FARS2: variants seen among roughly 807,000 people sequenced by gnomAD.
FARS2 encodes phenylalanyl-tRNA synthetase 2, mitochondrial, also known as phenylalanine--tRNA ligase, mitochondrial.
In FARS2, 40 loss-of-function variants were observed where a neutral mutation model predicts 46.4. That is an observed-to-expected ratio of 0.86 (90% CI 0.67 to 1.12). FARS2 has a LOEUF of 1.12. Ranked by LOEUF, FARS2 falls within the 50% of genes most tolerant of loss-of-function variation. The probability of loss-of-function intolerance (pLI) is 0.00; values close to 1 mark genes in which losing one functional copy is unlikely to be tolerated. For missense variants in FARS2, 513 were observed against 567.9 expected (o/e 0.90, Z 0.98); for synonymous variants, 234 against 214.9 (o/e 1.09, Z -0.78).
chr6:5,402,713 G>A (rs1340171738), intron 2 of FARS2, among the ~76,000 whole-genome samples: 1 of 152,074 alleles, frequency 6.6e-6, no homozygotes, highest in Non-Finnish European at 1.5e-5. Context: ...TGAAAAGGTT[G>A]TCTTTCGCTT....
intron 6 of FARS2, among the ~76,000 whole-genome samples, chr6:5,669,093 TA>T (rs1778310598): frequency 6.6e-6 from 1 of 152,200 alleles, no homozygotes; most frequent in African/African-American, 2.4e-5. Context: ...TATATTTTAA[TA>T]ATCAATATAA....
intron 2 of FARS2, among the ~76,000 whole-genome samples, chr6:5,398,055 C>T (rs1761013239): frequency 1.3e-5 from 2 of 152,168 alleles, no homozygotes; most frequent in South Asian, 4.1e-4. Flanking sequence ...GATATGTTAA[C>T]TCTGATCACT....
chr6:5,745,094 A>G (rs1007231651), intron 6 of FARS2, among the ~76,000 whole-genome samples: 4 of 152,250 alleles, frequency 2.6e-5, no homozygotes, highest in Non-Finnish European at 5.9e-5. Context: ...TATCCTAGAA[A>G]AGAGCCATTA....
chr6:5,362,985 G>A (rs1758409895), intron 1 of FARS2, among the ~76,000 whole-genome samples: 1 of 143,618 alleles, frequency 7.0e-6, no homozygotes, highest in Non-Finnish European at 1.5e-5. Flanking sequence ...GGAGTGCAGT[G>A]GCGCGATCTC....
chr6:5,290,761 C>G (rs1244636099), intron 1 of FARS2, among the ~76,000 whole-genome samples: 2 of 152,190 alleles, frequency 1.3e-5, no homozygotes, highest in Non-Finnish European at 2.9e-5. Flanking sequence ...CACTCTGTCC[C>G]CTAAGCTGGA....
At chr6:5,459,054 A>C (rs1765080044) in intron 4 of FARS2, among the ~76,000 whole-genome samples, 1 of 152,212 alleles carries the variant, frequency 6.6e-6, no homozygotes, top group Admixed American at 6.5e-5. Flanking sequence ...TGCTTTGTGA[A>C]ACGTTAACAT....
At chr6:5,487,406 A>G (rs982444163) in intron 4 of FARS2, among the ~76,000 whole-genome samples, 4 of 152,214 alleles carry the variant, frequency 2.6e-5, no homozygotes, top group African/African-American at 7.2e-5. Flanking sequence ...CAGCACTACA[A>G]TTCCTAACAT....
chr6:5,580,248 C>A (rs561064660), intron 5 of FARS2, among the ~76,000 whole-genome samples: 2 of 135,940 alleles, frequency 1.5e-5, no homozygotes, highest in South Asian at 5.0e-4. Flanking sequence ...CGAGAGCATG[C>A]CACTGCTCTC....
chr6:5,704,011 T>G (rs1342476566), intron 6 of FARS2, among the ~76,000 whole-genome samples: 1 of 152,220 alleles, frequency 6.6e-6, no homozygotes, highest in African/African-American at 2.4e-5. Context: ...TAGTGAGCTT[T>G]AGAAACATAA....
intron 4 of FARS2, among the ~76,000 whole-genome samples, chr6:5,442,166 GGTTAT>G (rs1394926718): frequency 6.6e-6 from 1 of 151,798 alleles, no homozygotes; most frequent in Non-Finnish European, 1.5e-5. Flanking sequence ...GAATTTACCT[GGTTAT>G]TACTGTTAAG....
intron 5 of FARS2, among the ~76,000 whole-genome samples, chr6:5,550,655 G>A (rs954640176): frequency 3.9e-5 from 6 of 152,318 alleles, no homozygotes; most frequent in Admixed American, 1.3e-4. Flanking sequence ...GAGTCAAATA[G>A]CCTTCTTTCT....
chr6:5,488,874 G>A (rs1766933974), intron 4 of FARS2, among the ~76,000 whole-genome samples: 1 of 152,042 alleles, frequency 6.6e-6, no homozygotes, highest in Admixed American at 6.5e-5. Flanking sequence ...CAGGTGTTCG[G>A]ATTTCTTTTA....
chr6:5,467,715 T>A (rs1765588709), intron 4 of FARS2, among the ~76,000 whole-genome samples: 1 of 152,194 alleles, frequency 6.6e-6, no homozygotes, highest in Non-Finnish European at 1.5e-5. Flanking sequence ...ATCATTACTG[T>A]TCTTATTCTT....
intron 5 of FARS2, among the ~76,000 whole-genome samples, chr6:5,580,340 G>A (rs1400267156): frequency 6.7e-6 from 1 of 150,330 alleles, no homozygotes; most frequent in Non-Finnish European, 1.5e-5. Flanking sequence ...AGGAAGGAAG[G>A]AAAGCAAGAA....
chr6:5,268,399 A>T (rs896517140), intron 1 of FARS2, among the ~76,000 whole-genome samples: 3 of 152,188 alleles, frequency 2.0e-5, no homozygotes, highest in African/African-American at 7.2e-5. Flanking sequence ...TAAGGAAGGG[A>T]TCCAGTTTCA....
intron 5 of FARS2, among the ~76,000 whole-genome samples, chr6:5,595,352 C>T (rs371015671): frequency 1.7e-4 from 26 of 152,158 alleles, no homozygotes; most frequent in African/African-American, 6.0e-4. Flanking sequence ...TCAGCTGAAC[C>T]GCCAATCATG....
chr6:5,284,687 A>C (rs1581690962), intron 1 of FARS2, among the ~76,000 whole-genome samples: 1 of 152,078 alleles, frequency 6.6e-6, no homozygotes, highest in African/African-American at 2.4e-5. Flanking sequence ...CATCCCCTTC[A>C]ACTCATCTGT....
At chr6:5,332,137 T>G (rs1318552488) in intron 1 of FARS2, among the ~76,000 whole-genome samples, 1 of 152,196 alleles carries the variant, frequency 6.6e-6, no homozygotes, top group East Asian at 1.9e-4. Flanking sequence ...GTACCAGCGC[T>G]GAGATTCAGA....
At chr6:5,716,337 T>C (rs1343976300) in intron 6 of FARS2, among the ~76,000 whole-genome samples, 2 of 152,292 alleles carry the variant, frequency 1.3e-5, no homozygotes, top group Admixed American at 6.5e-5. Flanking sequence ...CACACTTACA[T>C]TTGGTTAATA....
Sources: allele counts gnomAD v4.1 joint callset (sites outside exome capture counted in the v4.1 genomes callset), GRCh38; gene constraint gnomAD v4.1.1; transcripts MANE v1.5; gene names NCBI Gene and HGNC (gene_info 2026-07-23, HGNC 2026-07-21).